The following RECK variants were observed in gnomAD, a reference collection of about 807,000 sequenced individuals.
RECK encodes the protein reversion inducing cysteine rich protein with kazal motifs.
A neutral mutation model predicts 115.1 loss-of-function variants in RECK; 69 were observed. That is an observed-to-expected ratio of 0.60 (90% confidence interval 0.49 to 0.73). The LOEUF (loss-of-function observed/expected upper bound fraction) is 0.73. RECK is among the 30% of genes least tolerant of loss of function. The pLI is 0.00. For synonymous variants in RECK, 414 were observed against 419.7 expected (o/e 0.99, Z 0.17); for missense variants, 1,047 against 1,203.7 (o/e 0.87, Z 1.93).
intron 7 of RECK, among the ~76,000 whole-genome samples, chr9:36,081,258 G>A (rs1182839704): frequency 1.3e-5 from 2 of 152,186 alleles, no homozygotes; most frequent in Admixed American, 6.5e-5. Flanking sequence ...GAGTTCTTTA[G>A]CTCAGCAGGA....
In RECK at chr9:36,091,363, A is replaced by G; in HGVS notation, c.1085+20A>G. On this transcript the variant is annotated intron_variant, in intron 10 of 20. Transcript: ENST00000377966. Reference sequence around the variant, plus strand: ...CAACAGGTAAGACAAATTATTATACATGGAATGGAAATATTTTATCATTAA... The same window carrying G: ...CAACAGGTAAGACAAATTATTATACGTGGAATGGAAATATTTTATCATTAA... 1 of 1,394,708 alleles carries G rather than the reference A, an allele frequency of 7.2e-7. No individual in the cohort carries two copies. The highest frequency in any genetic ancestry group is 9.5e-7 in the Non-Finnish European group (1 of 1,049,894). The allele number at this position is 1,394,708 out of a possible 1,614,324, so 86.4% of individuals were successfully genotyped here. A position where few individuals can be genotyped will look rare whatever the true frequency, so the allele number is the denominator to read the frequency against.
chr9:36,083,624 G>A, intron 8 of RECK, 62 bp downstream of exon 8: 1 of 1,521,532 alleles, frequency 6.6e-7, no homozygotes. Context: ...GTAAAAAGAA[G>A]TGATACGTTC....
chr9:36,102,917 A>G (rs573785502), intron 12 of RECK, among the ~76,000 whole-genome samples: 111 of 151,702 alleles, frequency 7.3e-4, no homozygotes, highest in African/African-American at 2.6e-3. Context: ...GATTACACCA[A>G]TGTACTCCAG....
chr9:36,071,840 G>T (rs540480734), intron 6 of RECK, among the ~76,000 whole-genome samples: 1 of 152,244 alleles, frequency 6.6e-6, no homozygotes, highest in Admixed American at 6.6e-5. Context: ...GACTGTTGAG[G>T]ATTCTGTCTT....
rs559859410 is a variant in RECK at position 36,054,352 on chromosome 9, T to G, written c.159+2029T>G. Reference sequence around the variant, plus strand: ...AGATAGGGATTTGGAATTAAAACTTTTGGAATTAGAATTTAGATAAGAAGT... The same window carrying G: ...AGATAGGGATTTGGAATTAAAACTTGTGGAATTAGAATTTAGATAAGAAGT... On this transcript the variant is annotated intron_variant, in intron 2 of 20. Transcript: ENST00000377966. Among the ~76,000 whole-genome samples, 6 of 152,210 alleles carry G rather than the reference T, an allele frequency of 3.9e-5. No individual in the cohort carries two copies. In the East Asian group the frequency reaches 1.2e-3, roughly 29 times the overall value.
chr9:36,123,951 C>G lies in RECK; in HGVS notation c.*906C>G, dbSNP rs953404998. ...ATTTTATTATGAAGAAGGTGAATAG[C>G]CATATTTGTAAAATGACAATCATGT... On this transcript the variant is annotated 3_prime_UTR_variant, in exon 21 of 21. Coordinates refer to ENST00000377966, the MANE Select transcript of RECK (RefSeq NM_021111.3). 1 of 152,586 alleles carries G rather than the reference C, an allele frequency of 6.6e-6. No homozygotes were observed. The highest frequency in any genetic ancestry group is 1.5e-5 in the Non-Finnish European group (1 of 68,034). 9.5% of individuals were successfully genotyped at this position (152,586 alleles called of 1,614,324 possible).
chr9:36,092,688 G>A (rs1339659077), intron 10 of RECK, among the ~76,000 whole-genome samples: 1 of 151,824 alleles, frequency 6.6e-6, no homozygotes, highest in Non-Finnish European at 1.5e-5. Flanking sequence ...CACCACGAGT[G>A]GCCAACGTCT....
chr9:36,073,355 C>T (rs1465111733), intron 6 of RECK, among the ~76,000 whole-genome samples: 2 of 151,754 alleles, frequency 1.3e-5, no homozygotes, highest in East Asian at 3.9e-4. Context: ...CCAGGCACAT[C>T]AACTTAAATG....
chr9:36,104,379 T>C (rs1207044925), intron 12 of RECK, among the ~76,000 whole-genome samples: 1 of 128,096 alleles, frequency 7.8e-6, no homozygotes, highest in Non-Finnish European at 1.6e-5. Context: ...GGAATCTTAC[T>C]CTGTTGCCCA....
chr9:36,038,172 G>A (rs1409241201), intron 1 of RECK, among the ~76,000 whole-genome samples: 1 of 151,920 alleles, frequency 6.6e-6, no homozygotes, highest in African/African-American at 2.4e-5. Context: ...AATTAGCCGG[G>A]CATGGTGGTG....
intron 10 of RECK, among the ~76,000 whole-genome samples, chr9:36,096,068 C>CAA (rs150675703): frequency 1.4e-3 from 130 of 90,972 alleles, no homozygotes; most frequent in East Asian, 8.6e-3. Context: ...AACTCCATCT[C>CAA]AAAAAAAAAA....
chr9:36,118,507 A>T (rs533586674), intron 17 of RECK, among the ~76,000 whole-genome samples: 2 of 152,210 alleles, frequency 1.3e-5, no homozygotes, highest in Non-Finnish European at 2.9e-5. Context: ...ATCAGTTCAC[A>T]TGGAATAAGC....
At chr9:36,105,875 A>T (rs1009085897) in intron 13 of RECK, among the ~76,000 whole-genome samples, 1 of 152,168 alleles carries the variant, frequency 6.6e-6, no homozygotes, top group African/African-American at 2.4e-5. Context: ...GCTTCTTTTT[A>T]TCTATTTCCC....
intron 10 of RECK, among the ~76,000 whole-genome samples, chr9:36,092,604 C>A (rs1254762537): frequency 6.9e-6 from 1 of 144,478 alleles, no homozygotes; most frequent in African/African-American, 2.6e-5. Flanking sequence ...CTTGGCCAGG[C>A]TGGTTTCGAA....
Position 36,065,631 on chromosome 9 carries a change from A to G in RECK, c.405+7A>G, listed in dbSNP as rs1458890098. ...TTGCAGAAAAGAATATGAGGTATGC[A>G]TTTTATTTAACAAATGTGGATAGCC... is the stretch of plus-strand genomic sequence containing the variant. On this transcript the variant is annotated splice_region_variant and intron_variant, in intron 6 of 20. Coordinates refer to ENST00000377966, the MANE Select transcript of RECK (RefSeq NM_021111.3). 1 of 1,561,862 alleles carries G rather than the reference A, an allele frequency of 6.4e-7. No individual in the cohort carries two copies. The highest frequency in any genetic ancestry group is 8.6e-7 in the Non-Finnish European group (1 of 1,157,270).
intron 16 of RECK, among the ~76,000 whole-genome samples, chr9:36,113,287 T>G (rs2132668162): frequency 6.6e-6 from 1 of 152,302 alleles, no homozygotes; most frequent in Non-Finnish European, 1.5e-5. Context: ...CCTAAGCAAT[T>G]GCTGCTTCTC....
chr9:36,054,646 T>G (rs964290417), intron 2 of RECK, among the ~76,000 whole-genome samples: 3 of 152,218 alleles, frequency 2.0e-5, no homozygotes, highest in African/African-American at 7.2e-5. Flanking sequence ...TCAATAAATA[T>G]TTGTAGATCA....
At chr9:36,050,109 C>T (rs1821229996) in intron 1 of RECK, among the ~76,000 whole-genome samples, 1 of 152,178 alleles carries the variant, frequency 6.6e-6, no homozygotes, top group African/African-American at 2.4e-5. Context: ...CTTTAAATAT[C>T]ATCTACATAG....
At position 36,083,511 on chromosome 9, in the gene RECK, C is replaced by T. The variant is rs749409852; in HGVS notation, c.586C>T (p.His196Tyr). 7 of 1,613,854 alleles carry T rather than the reference C, an allele frequency of 4.3e-6. No individual in the cohort carries two copies. In the African/African-American group the frequency reaches 5.3e-5, roughly 12 times the overall value. The change falls in exon 8 of 21, where the codon CAT becomes TAT. Residue 196 changes from histidine (H) to tyrosine (Y), a missense_variant. Coordinates refer to ENST00000377966, the MANE Select transcript of RECK (RefSeq NM_021111.3). ...YCASISPQLIHCVNNYTQSYP... is the reference protein window; with the variant it reads ...YCASISPQLIYCVNNYTQSYP... ...CGCCTCTATTAGTCCACAATTAATA[C>T]ATTGTGTGAACAATTATACTCAATC...
Sources: gnomAD v4.1 joint callset for allele counts (sites outside exome capture counted in the v4.1 genomes callset) on GRCh38, gnomAD v4.1.1 for gene constraint, MANE v1.5 for transcripts, NCBI Gene and HGNC (gene_info 2026-07-23, HGNC 2026-07-21) for gene names.